Variants in FCHSD2 observed in about 807,000 individuals in gnomAD.
The protein encoded by FCHSD2 is F-BAR and double SH3 domains protein 2.
A neutral mutation model predicts 108.1 loss-of-function variants in FCHSD2; 38 were observed. The ratio of observed to expected loss-of-function variants is 0.35; its 90% CI spans 0.27 to 0.46. The LOEUF is 0.46. Ranked by LOEUF, FCHSD2 falls within the 20% of genes least tolerant of loss-of-function variation. The pLI is 1.00. For synonymous variants in FCHSD2, 279 were observed against 314.7 expected (o/e 0.89, Z 1.20); for missense variants, 751 against 897.8 (o/e 0.84, Z 2.09).
chr11:72,942,549 A>C lies in FCHSD2; in HGVS notation c.706-20599T>G, dbSNP rs528280028. On this transcript the variant is annotated intron_variant, in intron 8 of 19. Coordinates refer to ENST00000409418, the MANE Select transcript of FCHSD2 (RefSeq NM_014824.3). ...CTAGGAAAGATTAGAAGGATATGCCAAGATGACAGTAAGAGTGGTTTACTG... is the reference window on the plus strand; with the variant it reads ...CTAGGAAAGATTAGAAGGATATGCCCAGATGACAGTAAGAGTGGTTTACTG... Among the ~76,000 whole-genome samples the C allele has an allele frequency of 2.0e-5, 3 of 152,348 alleles. No individual in the cohort carries two copies. The East Asian group carries it at 5.8e-4, about 29-fold the overall frequency.
chr11:73,040,793 G>A (rs535818573), intron 3 of FCHSD2, among the ~76,000 whole-genome samples: 35 of 152,032 alleles, frequency 2.3e-4, no homozygotes, highest in African/African-American at 7.7e-4. Flanking sequence ...ACACTAATCC[G>A]ACTGTGCTAT....
chr11:72,956,977 G>A (rs1856723496), intron 8 of FCHSD2, among the ~76,000 whole-genome samples: 1 of 151,620 alleles, frequency 6.6e-6, no homozygotes, highest in African/African-American at 2.4e-5. Flanking sequence ...TGCCAAGAAT[G>A]CATGATCTGA....
chr11:72,997,680 T>A (rs1239817073), intron 5 of FCHSD2, among the ~76,000 whole-genome samples: 1 of 152,196 alleles, frequency 6.6e-6, no homozygotes, highest in Admixed American at 6.5e-5. Context: ...GAAAAGTACA[T>A]TAAGATTCCA....
intron 5 of FCHSD2, among the ~76,000 whole-genome samples, chr11:72,991,272 C>G (rs953621402): frequency 6.6e-6 from 1 of 152,166 alleles, no homozygotes; most frequent in Admixed American, 6.5e-5. Flanking sequence ...CAGCCGAATT[C>G]TACCAGAGGT....
At chr11:72,940,646 G>A (rs912062542) in intron 8 of FCHSD2, 9 of 1,438,104 alleles carry the variant, frequency 6.3e-6, no homozygotes, top group Non-Finnish European at 8.8e-6. Flanking sequence ...AAAGCGCGCC[G>A]ACCAGGCTGC....
intron 8 of FCHSD2, among the ~76,000 whole-genome samples, chr11:72,957,036 CTT>C (rs761406851): frequency 1.4e-5 from 2 of 143,858 alleles, no homozygotes; most frequent in Admixed American, 1.4e-4. Flanking sequence ...TTTTTTTCTT[CTT>C]TTTTTTTATT....
chr11:72,913,957 T>C (rs1416666800), intron 9 of FCHSD2, among the ~76,000 whole-genome samples: 1 of 152,034 alleles, frequency 6.6e-6, no homozygotes, highest in East Asian at 1.9e-4. Flanking sequence ...AAACATACTA[T>C]GCTCATGGAC....
At chr11:72,957,761 G>T (rs1257001943) in intron 8 of FCHSD2, among the ~76,000 whole-genome samples, 1 of 152,020 alleles carries the variant, frequency 6.6e-6, no homozygotes, top group East Asian at 1.9e-4. Flanking sequence ...TTATGTTCAC[G>T]ATTTGCTCTC....
At chr11:72,968,202 T>C (rs1007790634) in intron 8 of FCHSD2, among the ~76,000 whole-genome samples, 1 of 152,230 alleles carries the variant, frequency 6.6e-6, no homozygotes, top group Non-Finnish European at 1.5e-5. Context: ...GAAGGTTTTA[T>C]GTAGGGTACA....
At chr11:73,096,629 A>C (rs1756969328) in intron 2 of FCHSD2, among the ~76,000 whole-genome samples, 1 of 152,110 alleles carries the variant, frequency 6.6e-6, no homozygotes, top group South Asian at 2.1e-4. Context: ...AACACAAGAG[A>C]ATAGCAATGG....
intron 3 of FCHSD2, among the ~76,000 whole-genome samples, chr11:73,077,071 T>C (rs1016677661): frequency 3.5e-5 from 5 of 144,474 alleles, no homozygotes; most frequent in Admixed American, 2.8e-4. Flanking sequence ...GATTATGCCA[T>C]TGCACTCCAG....
At chr11:73,000,950 G>A in intron 5 of FCHSD2, 40 bp downstream of exon 5, 3 of 1,523,726 alleles carry the variant, frequency 2.0e-6, no homozygotes, top group Non-Finnish European at 2.7e-6. Context: ...GTAGCACTGG[G>A]ATATTAAAAT....
chr11:72,898,725 TC>T (rs1855469095), intron 10 of FCHSD2, among the ~76,000 whole-genome samples: 2 of 102,924 alleles, frequency 1.9e-5, no homozygotes, highest in African/African-American at 7.6e-5. Context: ...TGCTTTTCTT[TC>T]TATTTTTTTT....
intron 8 of FCHSD2, among the ~76,000 whole-genome samples, chr11:72,953,588 T>G (rs995864294): frequency 2.0e-5 from 3 of 151,552 alleles, no homozygotes; most frequent in Non-Finnish European, 2.9e-5. Context: ...GTCTACTATT[T>G]GTCAGACATT....
intron 3 of FCHSD2, among the ~76,000 whole-genome samples, chr11:73,053,308 T>C (rs963227781): frequency 1.3e-5 from 2 of 152,160 alleles, no homozygotes; most frequent in African/African-American, 4.8e-5. Flanking sequence ...TGTGTGGATC[T>C]ACAACCTATT....
intron 8 of FCHSD2, among the ~76,000 whole-genome samples, chr11:72,968,179 A>G (rs1271111976): frequency 2.6e-5 from 4 of 152,144 alleles, no homozygotes; most frequent in African/African-American, 9.7e-5. Context: ...CCTAAGGGCG[A>G]TAAGAAGCCA....
At chr11:73,031,000 C>T (rs1163771187) in intron 3 of FCHSD2, among the ~76,000 whole-genome samples, 3 of 151,876 alleles carry the variant, frequency 2.0e-5, no homozygotes, top group Admixed American at 6.6e-5. Context: ...CACACATTGA[C>T]GCACACCTCC....
rs775363191 is a variant in FCHSD2 at position 72,887,591 on chromosome 11, G to A, written c.1042-17C>T. 4.2e-5 allele frequency: 60 copies of A among 1,429,182 alleles called. 1 individual carries two copies. Among genetic ancestry groups the A allele is most frequent in the Non-Finnish European group, 1.9e-6 (2 of 1,055,928 alleles). The allele number at this position is 1,429,182 out of a possible 1,614,324, so 88.5% of individuals were successfully genotyped here. A position where few individuals can be genotyped will look rare whatever the true frequency, so the allele number is the denominator to read the frequency against. ...ATTTAGAACCTATTAAAGAAAATGG[G>A]ACAATAATGATGACTGTTTTTTACT... On this transcript the variant is annotated splice_polypyrimidine_tract_variant and intron_variant, in intron 11 of 19. Transcript: ENST00000409418.
intron 3 of FCHSD2, among the ~76,000 whole-genome samples, chr11:73,035,696 T>TTTTATTTATTTATTTA (rs35623691): frequency 6.4e-5 from 8 of 125,836 alleles, no homozygotes; most frequent in South Asian, 3.0e-4. Context: ...AATGTTCAGT[T>TTTTATTTATTTATTTA]TTTATTTATT....
Sources: gnomAD v4.1 joint callset for allele counts (sites outside exome capture counted in the v4.1 genomes callset) on GRCh38, gnomAD v4.1.1 for gene constraint, MANE v1.5 for transcripts, NCBI Gene and HGNC (gene_info 2026-07-23, HGNC 2026-07-21) for gene names.